The following SASH1 variants were observed in gnomAD, a reference collection of about 807,000 sequenced individuals.
The protein encoded by SASH1 is SAM and SH3 domain-containing protein 1.
Under a neutral mutation model 125.2 loss-of-function variants are expected in SASH1, and 44 were observed. The observed-to-expected ratio is 0.35, with a 90% CI of 0.28 to 0.45. SASH1 has a LOEUF of 0.45. SASH1 is among the 20% of genes least tolerant of loss of function. The pLI is 1.00. For synonymous variants in SASH1, 639 were observed against 649.1 expected (o/e 0.98, Z 0.24); for missense variants, 1,426 against 1,614.5 (o/e 0.88, Z 2.00).
At chr6:148,383,507 C>G in intron 1 of SASH1, among the ~76,000 whole-genome samples, 1 of 152,178 alleles carries the variant, frequency 6.6e-6, no homozygotes, top group East Asian at 1.9e-4. Context: ...GAGCAACACA[C>G]ATGAGTTTTC....
chr6:148,251,979 T>C, the SASH1 span, among the ~76,000 whole-genome samples: 11 of 151,996 alleles, frequency 7.2e-5, no homozygotes, highest in Non-Finnish European at 1.3e-4. Flanking sequence ...GATGAGGAAA[T>C]GCACATATTT....
intron 8 of SASH1, among the ~76,000 whole-genome samples, chr6:148,502,344 T>C: frequency 6.6e-6 from 1 of 152,160 alleles, no homozygotes; most frequent in South Asian, 2.1e-4. Flanking sequence ...CTGACTCCTT[T>C]GTGATAAAAG....
At chr6:148,436,285 G>A (rs926231493) in intron 2 of SASH1, among the ~76,000 whole-genome samples, 1 of 152,122 alleles carries the variant, frequency 6.6e-6, no homozygotes, top group Non-Finnish European at 1.5e-5. Context: ...GAGCCCAGGA[G>A]TTCGAGACCA....
chr6:148,548,210 C>T, intron 19 of SASH1, 85 bp from the exon 20 acceptor site: 1 of 1,236,828 alleles, frequency 8.1e-7, no homozygotes, highest in East Asian at 2.4e-5. Flanking sequence ...TGCAGTATTT[C>T]AGTGCTGTTC....
intron 1 of SASH1, among the ~76,000 whole-genome samples, chr6:148,332,769 C>T (rs1781033055): frequency 6.6e-6 from 1 of 151,934 alleles, no homozygotes; most frequent in South Asian, 2.1e-4. Flanking sequence ...GGCGGATCAC[C>T]GAGGTCAGGA....
At chr6:148,194,703 C>T in the SASH1 span, among the ~76,000 whole-genome samples, 1 of 152,152 alleles carries the variant, frequency 6.6e-6, no homozygotes, top group Admixed American at 6.5e-5. Flanking sequence ...GTCAGGAGAT[C>T]GAGACCATCC....
At chr6:148,513,687 C>G in intron 8 of SASH1, 1 of 985,608 alleles carries the variant, frequency 1.0e-6, no homozygotes, top group Non-Finnish European at 1.2e-6. Context: ...AGCTTTTTCC[C>G]TTGTCTCTCT....
chr6:148,201,281 C>T, the SASH1 span, among the ~76,000 whole-genome samples: 6 of 152,070 alleles, frequency 3.9e-5, no homozygotes, highest in Non-Finnish European at 7.4e-5. Context: ...TGCATAATGC[C>T]CCTGTGTTCC....
the SASH1 span, among the ~76,000 whole-genome samples, chr6:148,246,612 G>A: frequency 2.0e-5 from 3 of 152,148 alleles, no homozygotes; most frequent in Non-Finnish European, 2.9e-5. Context: ...TAAAATAATA[G>A]AGAGACTATT....
At chr6:148,446,460 C>T (rs983540728) in intron 4 of SASH1, among the ~76,000 whole-genome samples, 2 of 151,960 alleles carry the variant, frequency 1.3e-5, no homozygotes, top group Admixed American at 1.3e-4. Flanking sequence ...AGGAGACTAG[C>T]AGTATTTTCT....
At chr6:148,511,715 G>A (rs1780150271) in intron 8 of SASH1, among the ~76,000 whole-genome samples, 1 of 152,172 alleles carries the variant, frequency 6.6e-6, no homozygotes, top group South Asian at 2.1e-4. Context: ...GGAAGGCATT[G>A]CCTTTAAATC....
chr6:148,322,685 A>G (rs909854211), intron 1 of SASH1, among the ~76,000 whole-genome samples: 1 of 151,830 alleles, frequency 6.6e-6, no homozygotes, highest in Non-Finnish European at 1.5e-5. Context: ...TGTCATTCTC[A>G]CCTCCCTTGG....
chr6:148,383,472 TCTTTC>T (rs1242338409), intron 1 of SASH1, among the ~76,000 whole-genome samples: 1 of 152,168 alleles, frequency 6.6e-6, no homozygotes, highest in Non-Finnish European at 1.5e-5. Context: ...CAGCAGTCTG[TCTTTC>T]TCTCAACTTT....
chr6:148,379,617 A>G (rs543295792), intron 1 of SASH1, among the ~76,000 whole-genome samples: 1 of 152,208 alleles, frequency 6.6e-6, no homozygotes, highest in East Asian at 1.9e-4. Context: ...CCATCCATCC[A>G]TCCATCCATC....
intron 7 of SASH1, among the ~76,000 whole-genome samples, chr6:148,476,549 G>A (rs1032209677): frequency 6.6e-6 from 1 of 152,148 alleles, no homozygotes; most frequent in East Asian, 1.9e-4. Context: ...AGGCGTGGTG[G>A]CACGTGTCTG....
the SASH1 span, among the ~76,000 whole-genome samples, chr6:148,266,623 C>T: frequency 2.0e-5 from 3 of 152,076 alleles, no homozygotes; most frequent in African/African-American, 7.2e-5. Context: ...TCTTTTTGGA[C>T]AGGGTCTTGT....
intron 8 of SASH1, among the ~76,000 whole-genome samples, chr6:148,511,625 T>C (rs1343006164): frequency 6.6e-6 from 1 of 152,198 alleles, no homozygotes; most frequent in Non-Finnish European, 1.5e-5. Flanking sequence ...ATGGAACATG[T>C]GAAAACAATT....
chr6:148,206,614 AC>A, the SASH1 span, among the ~76,000 whole-genome samples: 1 of 151,682 alleles, frequency 6.6e-6, no homozygotes, highest in African/African-American at 2.4e-5. Context: ...ACATGGTGAA[AC>A]CCCATCTCTA....
chr6:148,293,890 T>A (rs1447873809), intron 1 of SASH1, among the ~76,000 whole-genome samples: 2 of 152,206 alleles, frequency 1.3e-5, no homozygotes, highest in African/African-American at 4.8e-5. Context: ...GGGAAATATT[T>A]CTTATTCAAA....
Sources: allele counts gnomAD v4.1 joint callset (sites outside exome capture counted in the v4.1 genomes callset), GRCh38; gene constraint gnomAD v4.1.1; transcripts MANE v1.5; gene names NCBI Gene and HGNC (gene_info 2026-07-23, HGNC 2026-07-21).